Variants in EGFLAM observed in about 807,000 individuals in gnomAD.
EGFLAM encodes pikachurin.
EGFLAM carries 79 observed loss-of-function variants against 113.1 expected under a neutral mutation model. The ratio of observed to expected loss-of-function variants is 0.70; its 90% CI spans 0.58 to 0.84. The LOEUF is 0.84. Among genes scored for constraint, EGFLAM ranks in the 40% least tolerant of loss-of-function variants. The pLI, the probability that EGFLAM is intolerant of heterozygous loss-of-function variation, is 0.00. For synonymous variants in EGFLAM, 504 were observed against 487.6 expected (o/e 1.03, Z -0.44); for missense variants, 1,265 against 1,291.6 (o/e 0.98, Z 0.32).
chr5:38,291,843 C>T (rs1235546140), intron 1 of EGFLAM, among the ~76,000 whole-genome samples: 2 of 152,104 alleles, frequency 1.3e-5, no homozygotes, highest in African/African-American at 2.4e-5. Context: ...TGGCATGGAC[C>T]GAAGAGGGAA....
At chr5:38,265,981 T>C (rs183887034) in intron 1 of EGFLAM, among the ~76,000 whole-genome samples, 222 of 152,352 alleles carry the variant, frequency 1.5e-3, no homozygotes, top group African/African-American at 4.5e-3. Context: ...CACTGCTTCA[T>C]ACCTCCACGC....
At position 38,337,503 on chromosome 5, in the gene EGFLAM, C is replaced by T; in HGVS notation, c.98-17C>T. The T allele has an allele frequency of 6.3e-7, 1 of 1,579,354 alleles. No homozygotes were observed. The highest frequency in any genetic ancestry group is 1.7e-4 in the Middle Eastern group (1 of 5,966). On this transcript the variant is annotated splice_polypyrimidine_tract_variant and intron_variant, in intron 1 of 21. Coordinates refer to ENST00000322350, the MANE Select transcript of EGFLAM (RefSeq NM_152403.4). ...ATGTGTGGAGCCTCTAACACAATCT[C>T]TTTTGTTTGGGGGCAGGCAAGGTAG... is the stretch of plus-strand genomic sequence containing the variant.
At chr5:38,377,928 A>G (rs1259856786) in intron 6 of EGFLAM, among the ~76,000 whole-genome samples, 1 of 152,228 alleles carries the variant, frequency 6.6e-6, no homozygotes, top group Non-Finnish European at 1.5e-5. Flanking sequence ...CTTGATCATT[A>G]TAATAAGCAT....
At chr5:38,302,669 C>T (rs1758615859) in intron 1 of EGFLAM, among the ~76,000 whole-genome samples, 1 of 145,078 alleles carries the variant, frequency 6.9e-6, no homozygotes, top group South Asian at 2.2e-4. Flanking sequence ...ATTTCAGACT[C>T]TGTTTCTTTA....
At chr5:38,430,861 T>G (rs1020876535) in intron 14 of EGFLAM, among the ~76,000 whole-genome samples, 1 of 152,202 alleles carries the variant, frequency 6.6e-6, no homozygotes, top group African/African-American at 2.4e-5. Flanking sequence ...GATGTAAGTC[T>G]TGGTCCAAGT....
chr5:38,327,633 T>C (rs1177935108), intron 1 of EGFLAM, among the ~76,000 whole-genome samples: 1 of 152,212 alleles, frequency 6.6e-6, no homozygotes, highest in African/African-American at 2.4e-5. Context: ...TATTTTGAAA[T>C]ACATTTAGAT....
intron 7 of EGFLAM, among the ~76,000 whole-genome samples, 200 bp downstream of exon 7, chr5:38,406,441 C>G (rs1741287245): frequency 1.3e-5 from 2 of 152,210 alleles, no homozygotes; most frequent in South Asian, 4.1e-4. Flanking sequence ...TCCTGATGTT[C>G]CATAGGCAGC....
At chr5:38,285,563 A>T (rs1561263233) in intron 1 of EGFLAM, 1 of 152,232 alleles carries the variant, frequency 6.6e-6, no homozygotes, top group Admixed American at 6.5e-5. Flanking sequence ...CGTATGTTTG[A>T]CAGAGGGAAT....
At chr5:38,400,351 T>A (rs1741075935) in intron 6 of EGFLAM, among the ~76,000 whole-genome samples, 3 of 152,246 alleles carry the variant, frequency 2.0e-5, no homozygotes, top group Admixed American at 6.5e-5. Context: ...TAACTTTTTT[T>A]AATAACCCCT....
chr5:38,411,068 C>T (rs183301016), intron 10 of EGFLAM, among the ~76,000 whole-genome samples: 1 of 152,126 alleles, frequency 6.6e-6, no homozygotes, highest in South Asian at 2.1e-4. Flanking sequence ...TCTTATGGGT[C>T]CTGTCCTTTT....
chr5:38,290,516 C>T (rs1758296818), intron 1 of EGFLAM: 1 of 152,270 alleles, frequency 6.6e-6, no homozygotes, highest in African/African-American at 2.4e-5. Context: ...CCAAAACCCA[C>T]TATCTGTTCA....
chr5:38,453,663 C>A (rs1404593000), intron 19 of EGFLAM, among the ~76,000 whole-genome samples: 1 of 152,142 alleles, frequency 6.6e-6, no homozygotes, highest in Non-Finnish European at 1.5e-5. Context: ...GCTCTTCACA[C>A]CCTATTTCAG....
At chr5:38,428,915 A>G (rs1224327308) in intron 14 of EGFLAM, among the ~76,000 whole-genome samples, 1 of 152,236 alleles carries the variant, frequency 6.6e-6, no homozygotes, top group Admixed American at 6.5e-5. Context: ...TTTCTGAGGG[A>G]CAAACCACCA....
intron 1 of EGFLAM, among the ~76,000 whole-genome samples, chr5:38,318,511 A>G (rs1359019041): frequency 2.0e-5 from 3 of 151,774 alleles, no homozygotes; most frequent in African/African-American, 4.8e-5. Flanking sequence ...CTAGTATACT[A>G]TACTATAGTA....
Position 38,451,409 on chromosome 5 carries a change from A to C in EGFLAM, c.2638A>C (p.Asn880His). 6.2e-7 allele frequency: 1 copy of C among 1,614,212 alleles called. No individual in the cohort carries two copies. Among genetic ancestry groups the C allele is most frequent in the Non-Finnish European group, 8.5e-7 (1 of 1,180,036 alleles). Reference protein sequence around the residue: ...LWRGDSPMRPNSDFISLGLRD... With the variant: ...LWRGDSPMRPHSDFISLGLRD... The stretch of plus-strand genomic sequence containing the variant: ...GAGGGGAGACAGCCCCATGAGACCC[A>C]ACAGCGACTTCATTTCCTTGGGCCT... Residue 880 changes from asparagine (N) to histidine (H), a missense_variant, in exon 19 of 22, where the codon AAC (asparagine) becomes CAC (histidine). Asn to His is a moderately conservative substitution (Grantham distance 68). Transcript: ENST00000322350.
At chr5:38,374,414 G>C (rs913509696) in intron 6 of EGFLAM, among the ~76,000 whole-genome samples, 2 of 152,122 alleles carry the variant, frequency 1.3e-5, no homozygotes, top group Admixed American at 1.3e-4. Flanking sequence ...TGATTGGTCA[G>C]GTTGGAGATG....
In EGFLAM at chr5:38,262,295, A is replaced by T. The variant is rs567784182; in HGVS notation, c.97+3444A>T. Among the ~76,000 whole-genome samples, 4 of 152,312 alleles carry T rather than the reference A, an allele frequency of 2.6e-5. No homozygotes were observed. In the South Asian group the frequency reaches 8.3e-4, roughly 32 times the overall value. On this transcript the variant is annotated intron_variant, in intron 1 of 21. Transcript: ENST00000322350. ...CAACTGCGGGAACCAGCATGCAACA[A>T]GTCACTTAATTCCCGCAGGCATATT...
At chr5:38,294,272 G>A (rs1758403253) in intron 1 of EGFLAM, among the ~76,000 whole-genome samples, 1 of 152,206 alleles carries the variant, frequency 6.6e-6, no homozygotes, top group African/African-American at 2.4e-5. Context: ...AAGCCCAAGT[G>A]TGCAAGAACA....
intron 1 of EGFLAM, among the ~76,000 whole-genome samples, chr5:38,267,694 T>C (rs1017094604): frequency 2.6e-5 from 4 of 152,220 alleles, no homozygotes; most frequent in African/African-American, 9.6e-5. Flanking sequence ...ACAGCTATTT[T>C]CATCTCTTGG....
Sources: gnomAD v4.1 joint callset for allele counts (sites outside exome capture counted in the v4.1 genomes callset) on GRCh38, gnomAD v4.1.1 for gene constraint, MANE v1.5 for transcripts, NCBI Gene and HGNC (gene_info 2026-07-23, HGNC 2026-07-21) for gene names.